PTCHD4: variants seen among roughly 807,000 people sequenced by gnomAD.
The protein encoded by PTCHD4 is patched domain containing 4.
PTCHD4 carries 33 observed loss-of-function variants against 58.1 expected under a neutral mutation model. The ratio of observed to expected loss-of-function variants is 0.57; its 90% confidence interval spans 0.43 to 0.76. The LOEUF (loss-of-function observed/expected upper bound fraction) is 0.76, where lower values mean the gene tolerates loss of function less well. PTCHD4 is among the 30% of genes least tolerant of loss of function. PTCHD4 has a pLI of 0.00. For missense variants in PTCHD4, 1,058 were observed against 1,027.1 expected, an observed-to-expected ratio of 1.03 and a Z score of -0.41; for synonymous variants, 478 against 409.6, an observed-to-expected ratio of 1.17 and a Z score of -2.02.
At chr6:47,893,920 G>A (rs2114131817) in intron 4 of PTCHD4, among the ~76,000 whole-genome samples, 1 of 152,318 alleles carries the variant, frequency 6.6e-6, no homozygotes, top group East Asian at 1.9e-4. Context: ...ACTAATTGAG[G>A]CATTCCTTAT....
At chr6:48,045,157 C>T (rs948139333) in intron 3 of PTCHD4, among the ~76,000 whole-genome samples, 5 of 151,940 alleles carry the variant, frequency 3.3e-5, no homozygotes, top group African/African-American at 2.4e-5. Context: ...ACCCCTCTGG[C>T]TCCAGTCGGC....
At chr6:47,951,965 G>A (rs1766670315) in intron 4 of PTCHD4, among the ~76,000 whole-genome samples, 2 of 152,028 alleles carry the variant, frequency 1.3e-5, no homozygotes, top group Non-Finnish European at 2.9e-5. Context: ...CCAAGCAATT[G>A]TTTAGAAGAG....
chr6:47,901,033 A>G (rs1764678772), intron 4 of PTCHD4: 1 of 150,990 alleles, frequency 6.6e-6, no homozygotes, highest in Admixed American at 6.6e-5. Flanking sequence ...GGGCGCCTGT[A>G]GTCCCAGCTA....
intron 4 of PTCHD4, among the ~76,000 whole-genome samples, chr6:47,946,990 C>T (rs1006080759): frequency 1.3e-5 from 2 of 152,046 alleles, no homozygotes; most frequent in South Asian, 4.1e-4. Flanking sequence ...GTGTGCACCA[C>T]CGTGCCCAAC....
chr6:47,921,848 T>C (rs911797708), intron 4 of PTCHD4, among the ~76,000 whole-genome samples: 1 of 151,250 alleles, frequency 6.6e-6, no homozygotes, highest in African/African-American at 2.4e-5. Context: ...GGGTGGCTCA[T>C]GCCTATAATT....
chr6:47,999,279 C>T (rs1246222050), intron 4 of PTCHD4, among the ~76,000 whole-genome samples: 1 of 152,190 alleles, frequency 6.6e-6, no homozygotes, highest in Non-Finnish European at 1.5e-5. Context: ...GACTCTAAGC[C>T]TCTAAGCATA....
intron 3 of PTCHD4, among the ~76,000 whole-genome samples, chr6:48,044,555 G>T (rs987237647): frequency 6.6e-6 from 1 of 151,776 alleles, no homozygotes; most frequent in African/African-American, 2.4e-5. Context: ...AATATAAAGT[G>T]GGGGTTGGCA....
At chr6:48,076,947 A>T (rs1582116443) in intron 1 of PTCHD4, among the ~76,000 whole-genome samples, 1 of 152,230 alleles carries the variant, frequency 6.6e-6, no homozygotes, top group Admixed American at 6.5e-5. Context: ...TTATGGGCGC[A>T]TACTATTAAG....
chr6:48,077,145 G>A (rs890234707), intron 1 of PTCHD4, among the ~76,000 whole-genome samples: 9 of 152,194 alleles, frequency 5.9e-5, no homozygotes, highest in African/African-American at 1.9e-4. Flanking sequence ...TCAGTAAAGT[G>A]TACTGTAAAC....
intron 3 of PTCHD4, among the ~76,000 whole-genome samples, chr6:48,057,204 T>G (rs543752224): frequency 1.3e-3 from 191 of 152,010 alleles, no homozygotes; most frequent in African/African-American, 4.5e-3. Flanking sequence ...TTTTTGTTTT[T>G]TTTTTCTGAG....
chr6:47,979,889 T>C (rs558106039), intron 4 of PTCHD4, among the ~76,000 whole-genome samples: 8 of 152,172 alleles, frequency 5.3e-5, no homozygotes, highest in African/African-American at 1.9e-4. Context: ...TTTTGCTGTA[T>C]TTTTGATGGC....
chr6:48,039,513 T>C (rs955277710), intron 3 of PTCHD4, among the ~76,000 whole-genome samples: 1 of 152,162 alleles, frequency 6.6e-6, no homozygotes, highest in Non-Finnish European at 1.5e-5. Context: ...CAGTGATTTA[T>C]GTTTTAACCT....
intron 3 of PTCHD4, among the ~76,000 whole-genome samples, chr6:48,060,615 A>G (rs1764587365): frequency 1.3e-5 from 2 of 152,292 alleles, no homozygotes; most frequent in South Asian, 4.1e-4. Flanking sequence ...CTGTGTCCAC[A>G]GGTGTGTACC....
intron 3 of PTCHD4, among the ~76,000 whole-genome samples, chr6:48,018,297 C>T (rs551434708): frequency 1.4e-4 from 21 of 152,214 alleles, no homozygotes; most frequent in African/African-American, 2.9e-4. Flanking sequence ...TAAAAAGTGT[C>T]GCTTACATTA....
Position 47,872,136 on chromosome 6 carries a change from A to G in PTCHD4, c.*6167T>C, listed in dbSNP as rs1460766106. Among the ~76,000 whole-genome samples, 1 of 151,550 alleles carries G rather than the reference A, an allele frequency of 6.6e-6. No individual in the cohort carries two copies. The highest frequency in any genetic ancestry group is 1.5e-5 in the Non-Finnish European group (1 of 67,720). On this transcript the variant is annotated 3_prime_UTR_variant, in exon 5 of 5. Coordinates refer to ENST00000339488, the MANE Select transcript of PTCHD4 (RefSeq NM_001384253.1). ...TGTCCAGGGAGAGATTCTAGTAACCATATTACATTAGATAATTTAAATGCT... is the reference window on the plus strand; with the variant it reads ...TGTCCAGGGAGAGATTCTAGTAACCGTATTACATTAGATAATTTAAATGCT...
intron 3 of PTCHD4, among the ~76,000 whole-genome samples, chr6:48,036,062 T>A (rs747813909): frequency 5.9e-5 from 9 of 152,026 alleles, no homozygotes; most frequent in Non-Finnish European, 1.2e-4. Flanking sequence ...AGCTTGAGAA[T>A]CACTGTCCTA....
intron 4 of PTCHD4, among the ~76,000 whole-genome samples, chr6:47,945,543 TA>T (rs1259502224): frequency 6.6e-6 from 1 of 152,094 alleles, no homozygotes; most frequent in African/African-American, 2.4e-5. Flanking sequence ...TAGTTTTGCT[TA>T]TTTTTACACT....
intron 3 of PTCHD4, among the ~76,000 whole-genome samples, chr6:48,037,960 G>C (rs1424541572): frequency 6.7e-6 from 1 of 149,438 alleles, no homozygotes; most frequent in Non-Finnish European, 1.5e-5. Context: ...GATTTGTTTT[G>C]TTTATCTTTG....
chr6:47,901,411 G>T lies in PTCHD4; in HGVS notation c.899-21475C>A, dbSNP rs28474370. The stretch of plus-strand genomic sequence containing the variant: ...ACTCTTTCCTTTAAATCTCAAACAC[G>T]ATAATTGTTCCTCCCTCTCACATAT... On this transcript the variant is annotated intron_variant, in intron 4 of 4. Coordinates refer to ENST00000339488, the MANE Select transcript of PTCHD4 (RefSeq NM_001384253.1). 3,178 of 971,114 alleles carry T rather than the reference G, an allele frequency of 3.3e-3. 66 individuals are homozygous for T. In the African/African-American group the frequency reaches 0.044, roughly 13 times the overall value. 60.2% of individuals were successfully genotyped at this position (971,114 alleles called of 1,614,324 possible). A position where few individuals can be genotyped will look rare whatever the true frequency, so the allele number is the denominator to read the frequency against.
Sources: gnomAD v4.1 joint callset for allele counts (sites outside exome capture counted in the v4.1 genomes callset) on GRCh38, gnomAD v4.1.1 for gene constraint, MANE v1.5 for transcripts, NCBI Gene and HGNC (gene_info 2026-07-23, HGNC 2026-07-21) for gene names.